The following XRCC4 variants were observed in gnomAD, a reference collection of about 807,000 sequenced individuals.
XRCC4 encodes the protein X-ray repair cross complementing 4.
XRCC4 carries 28 observed loss-of-function variants against 39.1 expected under a neutral mutation model. The observed-to-expected ratio is 0.72, with a 90% CI of 0.53 to 0.98. The LOEUF is 0.98. Among genes scored for constraint, XRCC4 ranks in the 50% least tolerant of loss-of-function variants. The pLI is 0.00. For missense variants in XRCC4, 350 were observed against 376.4 expected, an observed-to-expected ratio of 0.93 and a Z score of 0.58; for synonymous variants, 123 against 126.4, an observed-to-expected ratio of 0.97 and a Z score of 0.18.
chr5:83,362,897 C>T, the XRCC4 span, among the ~76,000 whole-genome samples: 1 of 152,204 alleles, frequency 6.6e-6, no homozygotes, highest in Non-Finnish European at 1.5e-5. Flanking sequence ...GTTAGAAGAA[C>T]ACAAGTCCTA....
intron 7 of XRCC4, among the ~76,000 whole-genome samples, chr5:83,313,081 C>CTTT (rs34133547): frequency 1.4e-5 from 2 of 142,886 alleles, no homozygotes; most frequent in African/African-American, 5.1e-5. Context: ...TCTTTTCTTT[C>CTTT]TTTTTTTTTT....
intron 6 of XRCC4, among the ~76,000 whole-genome samples, chr5:83,219,137 ATC>A (rs1225311599): frequency 1.3e-5 from 2 of 151,998 alleles, no homozygotes; most frequent in African/African-American, 4.8e-5. Flanking sequence ...TTCTATACCT[ATC>A]TCTGTTCAAA....
chr5:83,125,701 G>C (rs1747223531), intron 3 of XRCC4, among the ~76,000 whole-genome samples: 1 of 151,904 alleles, frequency 6.6e-6, no homozygotes. Context: ...TTTAAGTTGA[G>C]TTATGTGGGC....
intron 7 of XRCC4, chr5:83,280,174 G>T: frequency 7.6e-6 from 2 of 264,816 alleles, no homozygotes; most frequent in South Asian, 1.1e-4. Flanking sequence ...ATCAATACAG[G>T]ATGCCTTTCC....
chr5:83,079,219 G>A (rs1025081604), intron 1 of XRCC4, among the ~76,000 whole-genome samples: 6 of 152,130 alleles, frequency 3.9e-5, no homozygotes, highest in Admixed American at 1.3e-4. Flanking sequence ...AGTAAAGAAC[G>A]GCATTGCCAG....
chr5:83,343,743 CTG>C (rs1291652863), intron 7 of XRCC4, among the ~76,000 whole-genome samples: 1 of 151,832 alleles, frequency 6.6e-6, no homozygotes, highest in Non-Finnish European at 1.5e-5. Flanking sequence ...CCTTTTCTCT[CTG>C]ATGGTCTCTT....
chr5:83,089,902 A>G (rs1223219166), intron 1 of XRCC4, among the ~76,000 whole-genome samples: 1 of 152,172 alleles, frequency 6.6e-6, no homozygotes, highest in African/African-American at 2.4e-5. Context: ...AGTACAAAAG[A>G]TAGAACTTAG....
chr5:83,123,884 A>G (rs1287110336), intron 3 of XRCC4, among the ~76,000 whole-genome samples: 1 of 111,934 alleles, frequency 8.9e-6, no homozygotes, highest in East Asian at 2.1e-4. Context: ...TTATTGTTAC[A>G]TTGATTTTTT....
rs555176393 is a variant in XRCC4, at chr5:83,330,273, A to C, written c.894-22858A>C. 5.9e-5 allele frequency among the ~76,000 whole-genome samples: 9 copies of C among 152,206 alleles called. No individual in the cohort carries two copies. In the East Asian group the frequency reaches 1.5e-3, roughly 26 times the overall value. ...AGGAATTCATACTATGCAAAGAGAA[A>C]ATCTAGTACATATGCTCCAAAAATT... On this transcript the variant is annotated intron_variant, in intron 7 of 7. Transcript: ENST00000396027.
At chr5:83,220,151 AT>A (rs986066039) in intron 6 of XRCC4, among the ~76,000 whole-genome samples, 4 of 152,150 alleles carry the variant, frequency 2.6e-5, no homozygotes, top group East Asian at 1.9e-4. Flanking sequence ...CAATTAATCA[AT>A]TTTTTTGATT....
intron 4 of XRCC4, among the ~76,000 whole-genome samples, chr5:83,197,569 A>G (rs1751004559): frequency 6.6e-6 from 1 of 152,178 alleles, no homozygotes; most frequent in African/African-American, 2.4e-5. Flanking sequence ...ATGGGGAATT[A>G]GAGACAAATG....
intron 7 of XRCC4, among the ~76,000 whole-genome samples, chr5:83,322,796 C>G (rs886484067): frequency 6.6e-6 from 1 of 152,138 alleles, no homozygotes. Context: ...AGATTCTCAC[C>G]TAATGGCCTT....
At chr5:83,118,044 C>CCA (rs34524513) in intron 3 of XRCC4, among the ~76,000 whole-genome samples, 11,211 of 118,436 alleles carry the variant, frequency 0.095, 919 homozygotes, top group East Asian at 0.45. Context: ...ATATACATCT[C>CCA]CACACACACA....
rs116947256 is a variant in XRCC4 at position 83,118,537 on chromosome 5, T to G, written c.315+7334T>G. 2.9e-3 allele frequency among the ~76,000 whole-genome samples: 446 copies of G among 152,346 alleles called. 12 individuals carry two copies. In the East Asian group the frequency reaches 0.074, roughly 25 times the overall value. ...GATGACTTGTCTAGTTTTACTATTATGTTCACCTTTGAGGCAGCAGGACCC... is the reference window on the plus strand; with the variant it reads ...GATGACTTGTCTAGTTTTACTATTAGGTTCACCTTTGAGGCAGCAGGACCC... On this transcript the variant is annotated intron_variant, in intron 3 of 7. Transcript: ENST00000396027.
chr5:83,349,520 C>G (rs1335977146), intron 7 of XRCC4, among the ~76,000 whole-genome samples: 1 of 152,180 alleles, frequency 6.6e-6, no homozygotes, highest in Non-Finnish European at 1.5e-5. Flanking sequence ...CCTGTTATGA[C>G]TAGGCACTAT....
chr5:83,266,144 A>C (rs1223977552), intron 7 of XRCC4, among the ~76,000 whole-genome samples: 1 of 151,878 alleles, frequency 6.6e-6, no homozygotes. Context: ...ACATAGAATA[A>C]TGTGTAAATA....
At chr5:83,301,297 T>C (rs1755276133) in intron 7 of XRCC4, among the ~76,000 whole-genome samples, 2 of 152,238 alleles carry the variant, frequency 1.3e-5, no homozygotes, top group Non-Finnish European at 2.9e-5. Flanking sequence ...TGGTATCTCA[T>C]TGTGGTTTTG....
chr5:83,227,023 T>TAA (rs150403899), intron 6 of XRCC4, among the ~76,000 whole-genome samples: 1 of 152,108 alleles, frequency 6.6e-6, no homozygotes, highest in Non-Finnish European at 1.5e-5. Context: ...TTCCCTGTGT[T>TAA]AGAGTTTTTC....
intron 7 of XRCC4, among the ~76,000 whole-genome samples, chr5:83,263,631 C>A (rs1475543605): frequency 2.0e-5 from 3 of 151,384 alleles, no homozygotes; most frequent in Non-Finnish European, 4.4e-5. Flanking sequence ...TTTTTGGCTG[C>A]ATAAATGTCT....
Sources: allele counts gnomAD v4.1 joint callset (sites outside exome capture counted in the v4.1 genomes callset), GRCh38; gene constraint gnomAD v4.1.1; transcripts MANE v1.5; gene names NCBI Gene and HGNC (gene_info 2026-07-23, HGNC 2026-07-21).